UPRT: variants seen among roughly 807,000 people sequenced by gnomAD.
UPRT encodes RP11-311P8.3.
A neutral mutation model predicts 22.6 loss-of-function variants in UPRT; 5 were observed. That is an observed-to-expected ratio of 0.22 (90% CI 0.12 to 0.47). The LOEUF (loss-of-function observed/expected upper bound fraction) is 0.47, where lower values mean the gene tolerates loss of function less well. Among genes scored for constraint, UPRT ranks in the 20% least tolerant of loss-of-function variants. The pLI is 0.99. For synonymous variants in UPRT, 77 were observed against 87.7 expected (o/e 0.88, Z 0.68); for missense variants, 181 against 239.9 (o/e 0.75, Z 1.62).
intron 1 of UPRT, chrX:75,156,632 C>T: frequency 2.7e-6 from 1 of 364,855 alleles, no homozygotes; most frequent in Non-Finnish European, 5.2e-6. Flanking sequence ...ATCTGTCAAC[C>T]CCATCTTGTC....
At chrX:75,177,583 TA>T (rs2082252485) in intron 4 of UPRT, among the ~76,000 whole-genome samples, 1 of 111,635 alleles carries the variant, frequency 9.0e-6, no homozygotes, top group Non-Finnish European at 1.9e-5. Context: ...TGGAGGGCCA[TA>T]CCCTGAGGGA....
intron 4 of UPRT, among the ~76,000 whole-genome samples, chrX:75,191,140 G>T (rs902892727): frequency 8.9e-6 from 1 of 111,831 alleles, no homozygotes; most frequent in African/African-American, 3.3e-5. Flanking sequence ...TGATGGCGAC[G>T]TACAGATGGG....
chrX:75,233,157 G>A (rs1043436774), intron 4 of UPRT, among the ~76,000 whole-genome samples: 5 of 111,454 alleles, frequency 4.5e-5, no homozygotes, highest in Non-Finnish European at 7.5e-5. Context: ...CCCAGGAGCC[G>A]ATGCGATCAA....
chrX:75,173,195 A>G (rs919484407), intron 4 of UPRT, among the ~76,000 whole-genome samples: 1 of 110,777 alleles, frequency 9.0e-6, no homozygotes, highest in African/African-American at 3.3e-5. Flanking sequence ...ATTCACAAAC[A>G]TTGAGCTAAA....
chrX:75,284,397 T>A (rs192925807), intron 1 of UPRT, among the ~76,000 whole-genome samples: 1 of 111,617 alleles, frequency 9.0e-6, no homozygotes, highest in East Asian at 2.8e-4. Context: ...CCAGGGTTTG[T>A]TTTCTGTTTC....
intron 6 of UPRT, 107 bp downstream of exon 6, chrX:75,301,072 T>A: frequency 2.0e-6 from 1 of 493,314 alleles, no homozygotes; most frequent in Non-Finnish European, 3.3e-6. Context: ...GCTTTCACAT[T>A]AAATCTGAAT....
intron 4 of UPRT, among the ~76,000 whole-genome samples, chrX:75,237,476 G>T (rs193001485): frequency 9.0e-6 from 1 of 110,870 alleles, no homozygotes; most frequent in East Asian, 2.9e-4. Flanking sequence ...TATAAATCAT[G>T]CTGCTATAAA....
chrX:75,190,041 G>T (rs1435711541), intron 4 of UPRT, among the ~76,000 whole-genome samples: 1 of 111,675 alleles, frequency 9.0e-6, no homozygotes, highest in Non-Finnish European at 1.9e-5. Flanking sequence ...TAGTTATTTT[G>T]CTCATTAGTT....
intron 2 of UPRT, among the ~76,000 whole-genome samples, chrX:75,162,418 G>A (rs938230463): frequency 1.8e-5 from 2 of 111,719 alleles, no homozygotes; most frequent in Non-Finnish European, 3.8e-5. Context: ...TCAGTATGAT[G>A]TTTTTAAGCT....
chrX:75,222,512 G>A (rs931250004), intron 4 of UPRT, among the ~76,000 whole-genome samples: 1 of 111,673 alleles, frequency 9.0e-6, no homozygotes, highest in African/African-American at 3.3e-5. Context: ...TCTGCCATGT[G>A]CTCTACTCTA....
At chrX:75,283,473 T>C (rs1366754080) in intron 1 of UPRT, among the ~76,000 whole-genome samples, 1 of 111,734 alleles carries the variant, frequency 8.9e-6, no homozygotes, top group Admixed American at 9.5e-5. Context: ...TTTTAGTGGT[T>C]TTTGTAGTGG....
intron 4 of UPRT, among the ~76,000 whole-genome samples, chrX:75,173,743 G>A (rs773732802): frequency 0.012 from 1,338 of 111,903 alleles, 22 homozygotes; most frequent in African/African-American, 0.041. Context: ...GCCCTGCCCC[G>A]CGGGAAGGCA....
intron 4 of UPRT, among the ~76,000 whole-genome samples, chrX:75,204,420 T>C (rs2082357311): frequency 8.9e-6 from 1 of 112,596 alleles, no homozygotes; most frequent in Non-Finnish European, 1.9e-5. Flanking sequence ...AAAGATAAGC[T>C]TTTTTGCCAC....
chrX:75,242,528 C>A (rs1452291839), intron 4 of UPRT, among the ~76,000 whole-genome samples: 1 of 110,323 alleles, frequency 9.1e-6, no homozygotes, highest in Non-Finnish European at 1.9e-5. Flanking sequence ...ATTTGAGGAC[C>A]TGGGTTCTAG....
chrX:75,230,028 G>A (rs1174752846), intron 4 of UPRT, among the ~76,000 whole-genome samples: 1 of 111,984 alleles, frequency 8.9e-6, no homozygotes, highest in East Asian at 2.8e-4. Flanking sequence ...CAAGATCACA[G>A]CCCTCCTCTC....
At chrX:75,252,047 A>G (rs894271438) in intron 4 of UPRT, among the ~76,000 whole-genome samples, 1 of 112,463 alleles carries the variant, frequency 8.9e-6, no homozygotes, top group African/African-American at 3.2e-5. Context: ...CTTACACCTT[A>G]TACAAAAATT....
chrX:75,246,489 T>A (rs1378774329), intron 4 of UPRT, among the ~76,000 whole-genome samples: 1 of 110,918 alleles, frequency 9.0e-6, no homozygotes, highest in Non-Finnish European at 1.9e-5. Flanking sequence ...CACATTTTCT[T>A]AATCCAGTCT....
chrX:75,276,664 T>A (rs2082632954), intron 1 of UPRT, among the ~76,000 whole-genome samples: 1 of 112,160 alleles, frequency 8.9e-6, no homozygotes, highest in South Asian at 3.7e-4. Flanking sequence ...CAAACCCTCA[T>A]AAATTAACTG....
chrX:75,169,955 G>C (rs2082222226), intron 4 of UPRT, among the ~76,000 whole-genome samples: 1 of 109,760 alleles, frequency 9.1e-6, no homozygotes, highest in Non-Finnish European at 1.9e-5. Context: ...GAGCTCCACT[G>C]TTAGGTGCAT....
Sources: allele counts gnomAD v4.1 joint callset (sites outside exome capture counted in the v4.1 genomes callset), GRCh38; gene constraint gnomAD v4.1.1; transcripts MANE v1.5; gene names NCBI Gene and HGNC (gene_info 2026-07-23, HGNC 2026-07-21).